Variants in SYN3 observed in about 807,000 individuals in gnomAD.
The protein encoded by SYN3 is synapsin III.
A neutral mutation model predicts 65.8 loss-of-function variants in SYN3; 35 were observed. That is an observed-to-expected ratio of 0.53 (90% confidence interval 0.41 to 0.70). The LOEUF (loss-of-function observed/expected upper bound fraction) is 0.70, where lower values mean the gene tolerates loss of function less well. Among genes scored for constraint, SYN3 ranks in the 30% least tolerant of loss-of-function variants. The probability of loss-of-function intolerance (pLI) is 0.00; values close to 1 mark genes in which losing one functional copy is unlikely to be tolerated. For synonymous variants in SYN3, 270 were observed against 292.9 expected, an observed-to-expected ratio of 0.92 and a Z score of 0.80; for missense variants, 680 against 749.0, an observed-to-expected ratio of 0.91 and a Z score of 1.08.
At chr22:32,637,630 C>CTTTTTTTTTTTTT (rs1185407986) in intron 6 of SYN3, among the ~76,000 whole-genome samples, 23 of 93,558 alleles carry the variant, frequency 2.5e-4, no homozygotes, top group Non-Finnish European at 3.9e-4. Context: ...TTTTCTTTTT[C>CTTTTTTTTTTTTT]TTTTTTTTTT....
intron 4 of SYN3, among the ~76,000 whole-genome samples, chr22:32,928,057 G>T (rs148597294): frequency 6.6e-6 from 1 of 152,172 alleles, no homozygotes; most frequent in African/African-American, 2.4e-5. Flanking sequence ...TTGGCCGGGC[G>T]CAGTGGCTCA....
chr22:32,531,905 C>CTTT (rs5845007), intron 10 of SYN3, among the ~76,000 whole-genome samples: 14 of 115,454 alleles, frequency 1.2e-4, no homozygotes, highest in Non-Finnish European at 1.4e-4. Flanking sequence ...ACTACTTTTA[C>CTTT]TTTTTTTTTT....
At chr22:32,746,085 C>T (rs2044924072) in intron 6 of SYN3, among the ~76,000 whole-genome samples, 1 of 152,196 alleles carries the variant, frequency 6.6e-6, no homozygotes, top group Non-Finnish European at 1.5e-5. Flanking sequence ...GTTGTCCAAA[C>T]TCAGTTTCCT....
intron 6 of SYN3, among the ~76,000 whole-genome samples, chr22:32,791,413 T>C (rs1016451406): frequency 6.6e-6 from 1 of 152,082 alleles, no homozygotes; most frequent in African/African-American, 2.4e-5. Context: ...CTGAGTACTG[T>C]TCTCCAAGAG....
chr22:32,915,327 C>T (rs1195127478), intron 4 of SYN3, among the ~76,000 whole-genome samples: 3 of 152,150 alleles, frequency 2.0e-5, no homozygotes, highest in Non-Finnish European at 2.9e-5. Context: ...ATTCTAAGTA[C>T]TAGGGATGGA....
intron 6 of SYN3, among the ~76,000 whole-genome samples, chr22:32,702,234 T>G (rs1420956159): frequency 6.6e-6 from 1 of 152,120 alleles, no homozygotes; most frequent in Non-Finnish European, 1.5e-5. Flanking sequence ...TCCCAGCACT[T>G]TGGGAGGCTG....
At chr22:32,846,831 C>T (rs987129757) in intron 6 of SYN3, among the ~76,000 whole-genome samples, 4 of 152,190 alleles carry the variant, frequency 2.6e-5, no homozygotes, top group African/African-American at 9.7e-5. Context: ...TGGTGGAACC[C>T]AAACTTCAAT....
intron 6 of SYN3, among the ~76,000 whole-genome samples, chr22:32,659,279 A>G (rs1040684385): frequency 4.6e-5 from 7 of 152,206 alleles, no homozygotes; most frequent in African/African-American, 7.2e-5. Flanking sequence ...AGAAAGGTCC[A>G]TGTGGCACAG....
intron 3 of SYN3, among the ~76,000 whole-genome samples, chr22:32,950,561 G>GGGAGCTTTTTCTGATTCCCA (rs1556029949): frequency 9.1e-4 from 139 of 152,080 alleles, no homozygotes; most frequent in African/African-American, 3.2e-3. Flanking sequence ...TCTAATTCCC[G>GGGAGCTTTTTCTGATTCCCA]GGAGCTTCTT....
rs567638062 is a variant in SYN3, at chr22:32,533,635, G to A, written c.1095+158C>T. 1.9e-3 allele frequency among the ~76,000 whole-genome samples: 286 copies of A among 152,178 alleles called. 3 individuals carry two copies. The highest frequency in any genetic ancestry group is 1.8e-3 in the Non-Finnish European group (124 of 68,026). ...GAAGCCTTTCGATGCCTCTGAGGGT[G>A]GGAAGGAGCCTCCAGAAGCAACTCA... On this transcript the variant is annotated intron_variant, in intron 10 of 13. Transcript: ENST00000358763.
chr22:32,878,964 A>G (rs2049053154), intron 4 of SYN3, among the ~76,000 whole-genome samples: 1 of 152,204 alleles, frequency 6.6e-6, no homozygotes, highest in Non-Finnish European at 1.5e-5. Context: ...TATTTATGTG[A>G]AATTCTCAAT....
At position 32,747,497 on chromosome 22, in the gene SYN3, T is replaced by C. The variant is rs536389070; in HGVS notation, c.711+117418A>G. Among the ~76,000 whole-genome samples the C allele has an allele frequency of 2.6e-5, 4 of 152,314 alleles. No individual in the cohort carries two copies. The East Asian group carries it at 5.8e-4, about 22-fold the overall frequency. On this transcript the variant is annotated intron_variant, in intron 6 of 13. Coordinates refer to ENST00000358763, the MANE Select transcript of SYN3 (RefSeq NM_003490.4). ...GTAAAGTGCTTTGTTGTAAGTCCTT[T>C]ATCAACATTATTATATTTAATCTGA...
chr22:32,521,091 A>G (rs985591498), intron 12 of SYN3, among the ~76,000 whole-genome samples: 2 of 152,212 alleles, frequency 1.3e-5, no homozygotes, highest in Admixed American at 6.5e-5. Context: ...ATTTATCTCA[A>G]ACACCTCTAG....
At chr22:32,557,053 C>A (rs1338082389) in intron 7 of SYN3, among the ~76,000 whole-genome samples, 1 of 152,106 alleles carries the variant, frequency 6.6e-6, no homozygotes, top group African/African-American at 2.4e-5. Context: ...AAGATAGATG[C>A]ATCAGGACCA....
intron 6 of SYN3, among the ~76,000 whole-genome samples, chr22:32,723,551 G>C (rs939426259): frequency 2.0e-5 from 3 of 152,088 alleles, no homozygotes; most frequent in African/African-American, 7.2e-5. Context: ...CTGGCTGGTG[G>C]AGGAACTCTC....
At chr22:32,547,285 A>G (rs1407547678) in intron 7 of SYN3, among the ~76,000 whole-genome samples, 1 of 150,820 alleles carries the variant, frequency 6.6e-6, no homozygotes, top group African/African-American at 2.4e-5. Context: ...ATGCCCGGCC[A>G]CTCTTCCTTT....
chr22:32,983,536 G>A (rs890655997), intron 2 of SYN3, among the ~76,000 whole-genome samples: 2 of 152,020 alleles, frequency 1.3e-5, no homozygotes, highest in Admixed American at 6.6e-5. Flanking sequence ...TTTTTCTTAC[G>A]TCCTGATGGG....
rs187270373 is a variant in SYN3 at position 33,044,268 on chromosome 22, C to T, written c.-163+14024G>A. On this transcript the variant is annotated intron_variant, in intron 1 of 13. Transcript: ENST00000358763. ...CCAATCTTCTGCCAACACACCACCT[C>T]CAGCCAGCTGGTTCACTGTAGCAGT... Among the ~76,000 whole-genome samples the T allele has an allele frequency of 2.4e-3, 370 of 152,290 alleles. 5 individuals are homozygous for T. The highest frequency in any genetic ancestry group is 5.9e-4 in the Non-Finnish European group (40 of 68,020).
Position 32,508,175 on chromosome 22 carries a change from G to A in SYN3, c.*5517C>T, listed in dbSNP as rs1038130006. On this transcript the variant is annotated 3_prime_UTR_variant, in exon 14 of 14. Transcript: ENST00000358763. ...GAAGAATCACAAAAGAAGTGAAAAGGCCCTGCCCCGCCTTAACTGATGACA... is the reference window on the plus strand; with the variant it reads ...GAAGAATCACAAAAGAAGTGAAAAGACCCTGCCCCGCCTTAACTGATGACA... 1.5e-4 allele frequency among the ~76,000 whole-genome samples: 23 copies of A among 152,034 alleles called. No homozygotes were observed. Among genetic ancestry groups the A allele is most frequent in the African/African-American group, 2.2e-4 (9 of 41,408 alleles).
Sources: allele counts gnomAD v4.1 joint callset (sites outside exome capture counted in the v4.1 genomes callset), GRCh38; gene constraint gnomAD v4.1.1; transcripts MANE v1.5; gene names NCBI Gene and HGNC (gene_info 2026-07-23, HGNC 2026-07-21).